Variants in GOLIM4 observed in about 807,000 individuals in gnomAD.
GOLIM4 encodes the protein 130 kDa golgi-localized phosphoprotein.
Under a neutral mutation model 107.4 loss-of-function variants are expected in GOLIM4, and 71 were observed. The ratio of observed to expected loss-of-function variants is 0.66; its 90% CI spans 0.55 to 0.81. The LOEUF (loss-of-function observed/expected upper bound fraction) is 0.81, where lower values mean the gene tolerates loss of function less well. GOLIM4 is among the 30% of genes least tolerant of loss of function. The probability of loss-of-function intolerance (pLI) is 0.00; values close to 1 mark genes in which losing one functional copy is unlikely to be tolerated. For synonymous variants in GOLIM4, 327 were observed against 294.8 expected (o/e 1.11, Z -1.12); for missense variants, 830 against 826.1 (o/e 1.00, Z -0.06).
At chr3:168,074,462 T>A (rs1042221880) in intron 1 of GOLIM4, among the ~76,000 whole-genome samples, 1 of 151,574 alleles carries the variant, frequency 6.6e-6, no homozygotes, top group African/African-American at 2.4e-5. Context: ...CAGACAAAAA[T>A]AAGGGCAGTT....
chr3:168,051,841 T>C (rs1463468349), intron 1 of GOLIM4, among the ~76,000 whole-genome samples: 1 of 152,032 alleles, frequency 6.6e-6, no homozygotes, highest in African/African-American at 2.4e-5. Context: ...GATGGAGACA[T>C]GGAGAAGGGT....
chr3:168,018,903 G>A (rs1199201083), intron 14 of GOLIM4, among the ~76,000 whole-genome samples: 1 of 151,810 alleles, frequency 6.6e-6, no homozygotes, highest in Non-Finnish European at 1.5e-5. Context: ...AACTTTTTGT[G>A]TGAAGGGCCA....
intron 1 of GOLIM4, among the ~76,000 whole-genome samples, chr3:168,048,976 A>G (rs757217184): frequency 6.6e-6 from 1 of 152,148 alleles, no homozygotes; most frequent in African/African-American, 2.4e-5. Context: ...GGGACTCTCC[A>G]AAGAATTTAT....
rs1468475846 is a variant in GOLIM4 at position 168,009,780 on chromosome 3, C to T, written c.*489G>A. 1.3e-5 allele frequency: 2 copies of T among 152,394 alleles called. No individual in the cohort carries two copies. Among genetic ancestry groups the T allele is most frequent in the African/African-American group, 2.4e-5 (1 of 41,442 alleles). 9.4% of individuals were successfully genotyped at this position (152,394 alleles called of 1,614,324 possible). Reference sequence around the variant, plus strand: ...AGATCTCACTCCAGAGATACATAGACTGGTGAAAATTCTATCAGAGCTATA... The same window carrying T: ...AGATCTCACTCCAGAGATACATAGATTGGTGAAAATTCTATCAGAGCTATA... On this transcript the variant is annotated 3_prime_UTR_variant, in exon 16 of 16. Transcript: ENST00000470487.
intron 1 of GOLIM4, among the ~76,000 whole-genome samples, chr3:168,082,749 A>G (rs1522378): frequency 0.56 from 84,654 of 151,646 alleles, 24,246 homozygotes; most frequent in African/African-American, 0.7. Flanking sequence ...GCAGGAGTTC[A>G]CAGCAACTTA....
At chr3:168,010,700 C>T in intron 15 of GOLIM4, 43 bp downstream of exon 15, 3 of 1,400,884 alleles carry the variant, frequency 2.1e-6, no homozygotes, top group Non-Finnish European at 3.0e-6. Flanking sequence ...TGCACACCCA[C>T]AAACACTCAA....
chr3:168,058,832 TCA>T (rs1193294031), intron 1 of GOLIM4, among the ~76,000 whole-genome samples: 1 of 152,160 alleles, frequency 6.6e-6, no homozygotes, highest in Non-Finnish European at 1.5e-5. Context: ...ACTTAAGGAC[TCA>T]CAGTAATAGA....
At chr3:168,051,623 G>T (rs1257244454) in intron 1 of GOLIM4, among the ~76,000 whole-genome samples, 2 of 152,172 alleles carry the variant, frequency 1.3e-5, no homozygotes, top group African/African-American at 4.8e-5. Context: ...GGAGAAAAAA[G>T]ATGTGGCAAA....
At chr3:168,082,114 T>C (rs877439) in intron 1 of GOLIM4, among the ~76,000 whole-genome samples, 84,794 of 151,984 alleles carry the variant, frequency 0.56, 24,246 homozygotes, top group African/African-American at 0.69. Context: ...GTCAATGATG[T>C]TTTGAGGAAC....
At chr3:168,077,963 C>A (rs1385059842) in intron 1 of GOLIM4, among the ~76,000 whole-genome samples, 1 of 151,920 alleles carries the variant, frequency 6.6e-6, no homozygotes, top group Non-Finnish European at 1.5e-5. Context: ...GTATGATATA[C>A]TCTAGATATA....
chr3:168,011,836 G>C (rs1253181435), intron 14 of GOLIM4, among the ~76,000 whole-genome samples: 1 of 133,000 alleles, frequency 7.5e-6, no homozygotes, highest in Non-Finnish European at 1.5e-5. Context: ...TGAGGGTCCT[G>C]TCTGTTAGAA....
chr3:168,080,566 T>G (rs1008640149), intron 1 of GOLIM4, among the ~76,000 whole-genome samples: 1 of 152,140 alleles, frequency 6.6e-6, no homozygotes, highest in Non-Finnish European at 1.5e-5. Flanking sequence ...CTTTCTTCAT[T>G]GATAAACTAA....
At chr3:168,022,708 C>T (rs1717776030) in intron 14 of GOLIM4, among the ~76,000 whole-genome samples, 2 of 152,176 alleles carry the variant, frequency 1.3e-5, no homozygotes, top group South Asian at 4.1e-4. Context: ...GAAAAAAAGG[C>T]ACGTGGGACT....
At position 168,020,955 on chromosome 3, in the gene GOLIM4, G is replaced by A. The variant is rs529250411; in HGVS notation, c.1860+3571C>T. On this transcript the variant is annotated intron_variant, in intron 14 of 15. Transcript: ENST00000470487. Reference sequence around the variant, plus strand: ...TTTATAATGTAGACATACAGATTATGTCTCCCACAACTGGCCCTCTTAGCA... The same window carrying A: ...TTTATAATGTAGACATACAGATTATATCTCCCACAACTGGCCCTCTTAGCA... 1.4e-4 allele frequency among the ~76,000 whole-genome samples: 22 copies of A among 152,266 alleles called. 1 individual carries two copies. The highest frequency in any genetic ancestry group is 5.3e-4 in the African/African-American group (22 of 41,552).
At chr3:168,060,114 T>C (rs1025234937) in intron 1 of GOLIM4, among the ~76,000 whole-genome samples, 5 of 151,806 alleles carry the variant, frequency 3.3e-5, no homozygotes, top group South Asian at 2.1e-4. Flanking sequence ...TTTTTTTTTT[T>C]CTTAGAGATG....
intron 1 of GOLIM4, among the ~76,000 whole-genome samples, chr3:168,049,340 T>C (rs1030018439): frequency 6.6e-6 from 1 of 152,196 alleles, no homozygotes; most frequent in African/African-American, 2.4e-5. Flanking sequence ...GAATACAAGT[T>C]TTGAACTATT....
Position 168,043,389 on chromosome 3 carries a change from A to C in GOLIM4, c.507T>G (p.Ser169=), listed in dbSNP as rs981988056. The change falls in exon 5 of 16, where the codon TCT becomes TCG. Residue 169 remains serine (S), a synonymous_variant. Transcript: ENST00000470487. ...CAGATTTCCAAATACCTTTTAGCTT[A>C]GAAAGTTCTTGTTCTTTTTCTTGCT... is the stretch of plus-strand genomic sequence containing the variant. The part of the protein sequence containing the change: ...QLQQEKEQEL[S]KLKETVYNLR... 1 of 1,605,706 alleles carries C rather than the reference A, an allele frequency of 6.2e-7. No individual in the cohort carries two copies.
intron 7 of GOLIM4, among the ~76,000 whole-genome samples, chr3:168,039,455 G>C (rs372017618): frequency 6.6e-6 from 1 of 151,770 alleles, no homozygotes; most frequent in South Asian, 2.1e-4. Flanking sequence ...GTAGAGAAGG[G>C]GTTTCACCAT....
intron 3 of GOLIM4, among the ~76,000 whole-genome samples, chr3:168,046,601 C>T (rs1229348155): frequency 6.6e-6 from 1 of 152,150 alleles, no homozygotes; most frequent in African/African-American, 2.4e-5. Context: ...AAACTCTAGG[C>T]CAGGTCCTGT....
Sources: allele counts gnomAD v4.1 joint callset (sites outside exome capture counted in the v4.1 genomes callset), GRCh38; gene constraint gnomAD v4.1.1; transcripts MANE v1.5; gene names NCBI Gene and HGNC (gene_info 2026-07-23, HGNC 2026-07-21).